TENM2: variants seen among roughly 807,000 people sequenced by gnomAD.
The protein encoded by TENM2 is teneurin transmembrane protein 2, also known as teneurin-2.
A neutral mutation model predicts 245.2 loss-of-function variants in TENM2; 52 were observed. The ratio of observed to expected loss-of-function variants is 0.21; its 90% CI spans 0.17 to 0.27. The LOEUF (loss-of-function observed/expected upper bound fraction) is 0.27, where lower values mean the gene tolerates loss of function less well. Among genes scored for constraint, TENM2 ranks in the 10% least tolerant of loss-of-function variants. The pLI is 1.00. For synonymous variants in TENM2, 1,363 were observed against 1,438.9 expected (o/e 0.95, Z 1.19); for missense variants, 3,046 against 3,666.8 (o/e 0.83, Z 4.37).
intron 2 of TENM2, among the ~76,000 whole-genome samples, chr5:167,424,451 G>C (rs1173808253): frequency 2.0e-5 from 3 of 152,084 alleles, no homozygotes; most frequent in African/African-American, 7.2e-5. Context: ...AAGAAATTCT[G>C]CTCAGATTTC....
chr5:167,355,983 G>C (rs1192173855), intron 1 of TENM2, among the ~76,000 whole-genome samples: 1 of 149,728 alleles, frequency 6.7e-6, no homozygotes, highest in Non-Finnish European at 1.5e-5. Context: ...AGGAGTTCAA[G>C]ACCACCCTGG....
At chr5:167,315,461 C>T (rs1756307981) in intron 1 of TENM2, among the ~76,000 whole-genome samples, 1 of 151,994 alleles carries the variant, frequency 6.6e-6, no homozygotes, top group Non-Finnish European at 1.5e-5. Flanking sequence ...CATATGATGC[C>T]GTAATTTTCT....
the TENM2 span, among the ~76,000 whole-genome samples, chr5:167,085,963 A>G: frequency 2.6e-5 from 4 of 152,208 alleles, no homozygotes; most frequent in African/African-American, 9.7e-5. Context: ...GCTACCAAGG[A>G]TACAACTTCT....
At chr5:167,757,333 C>A (rs989780598) in intron 2 of TENM2, among the ~76,000 whole-genome samples, 1 of 150,782 alleles carries the variant, frequency 6.6e-6, no homozygotes, top group African/African-American at 2.4e-5. Context: ...TGAGTGAGAA[C>A]ATGCAGTGTT....
chr5:167,797,336 A>G (rs1765392774), intron 2 of TENM2, among the ~76,000 whole-genome samples: 1 of 152,096 alleles, frequency 6.6e-6, no homozygotes, highest in Non-Finnish European at 1.5e-5. Flanking sequence ...ATTAACTAGG[A>G]CCCATTCTAA....
intron 12 of TENM2, among the ~76,000 whole-genome samples, chr5:168,148,273 A>G (rs552207991): frequency 2.4e-4 from 36 of 152,368 alleles, no homozygotes; most frequent in Admixed American, 6.5e-4. Flanking sequence ...AGGATTTCCA[A>G]GGAGAAGCTC....
At chr5:167,083,368 C>T in the TENM2 span, among the ~76,000 whole-genome samples, 3 of 152,128 alleles carry the variant, frequency 2.0e-5, no homozygotes, top group African/African-American at 7.2e-5. Context: ...ACTAAATCTC[C>T]ACTGCTTCAC....
At chr5:168,095,060 C>A (rs1417460873) in intron 8 of TENM2, among the ~76,000 whole-genome samples, 1 of 151,730 alleles carries the variant, frequency 6.6e-6, no homozygotes, top group African/African-American at 2.4e-5. Context: ...TCAGGGCGCC[C>A]ACTGATTTGA....
intron 2 of TENM2, among the ~76,000 whole-genome samples, chr5:167,556,421 C>CATATAT (rs4044320): frequency 0.13 from 18,577 of 146,266 alleles, 1,353 homozygotes; most frequent in Middle Eastern, 0.22. Flanking sequence ...TGTATACTTA[C>CATATAT]ATATATATAT....
intron 2 of TENM2, among the ~76,000 whole-genome samples, chr5:167,725,267 A>T (rs1759916014): frequency 6.6e-6 from 1 of 152,066 alleles, no homozygotes; most frequent in Middle Eastern, 3.4e-3. Context: ...CTTTTTTTTT[A>T]AAGATGCTTT....
At chr5:167,768,464 G>T (rs543360097) in intron 2 of TENM2, among the ~76,000 whole-genome samples, 4 of 152,138 alleles carry the variant, frequency 2.6e-5, no homozygotes, top group Admixed American at 2.0e-4. Flanking sequence ...AAGACTTAAC[G>T]ATCTACGAAA....
chr5:168,039,449 C>T (rs1787990119), intron 5 of TENM2, among the ~76,000 whole-genome samples: 1 of 152,092 alleles, frequency 6.6e-6, no homozygotes, highest in Non-Finnish European at 1.5e-5. Context: ...AAATCCCAGA[C>T]CATGATTTAT....
At chr5:167,816,897 G>A (rs1161261115) in intron 2 of TENM2, among the ~76,000 whole-genome samples, 2 of 152,056 alleles carry the variant, frequency 1.3e-5, no homozygotes, top group Non-Finnish European at 2.9e-5. Context: ...TACCATGGAA[G>A]TACATACTAA....
intron 2 of TENM2, among the ~76,000 whole-genome samples, chr5:167,850,278 C>T (rs1166499882): frequency 6.6e-6 from 1 of 152,112 alleles, no homozygotes; most frequent in Non-Finnish European, 1.5e-5. Flanking sequence ...GGAATTAGAA[C>T]CTGGATGATT....
intron 13 of TENM2, among the ~76,000 whole-genome samples, chr5:168,170,324 T>G (rs751701801): frequency 1.3e-5 from 2 of 152,058 alleles, no homozygotes; most frequent in Non-Finnish European, 2.9e-5. Flanking sequence ...GCCAATATGG[T>G]GAAACTCTGT....
At chr5:167,474,703 A>T (rs1438578453) in intron 2 of TENM2, among the ~76,000 whole-genome samples, 1 of 151,982 alleles carries the variant, frequency 6.6e-6, no homozygotes, top group Admixed American at 6.6e-5. Context: ...TTTAGTAGAG[A>T]CAGGGTTTCG....
At chr5:168,201,106 G>A (rs1216479446) in intron 17 of TENM2, among the ~76,000 whole-genome samples, 1 of 152,072 alleles carries the variant, frequency 6.6e-6, no homozygotes. Context: ...AGGAGGGAGA[G>A]GGTAAGAAAG....
chr5:167,203,315 C>T, the TENM2 span, among the ~76,000 whole-genome samples: 1 of 152,218 alleles, frequency 6.6e-6, no homozygotes, highest in Non-Finnish European at 1.5e-5. Context: ...CATGGGAATA[C>T]TCAGTGTTTT....
At chr5:167,065,034 A>G in the TENM2 span, among the ~76,000 whole-genome samples, 1 of 152,174 alleles carries the variant, frequency 6.6e-6, no homozygotes, top group Admixed American at 6.5e-5. Flanking sequence ...TAAAGGGTAC[A>G]GTTCATGTCG....
Sources: allele counts gnomAD v4.1 joint callset (sites outside exome capture counted in the v4.1 genomes callset), GRCh38; gene constraint gnomAD v4.1.1; transcripts MANE v1.5; gene names NCBI Gene and HGNC (gene_info 2026-07-23, HGNC 2026-07-21).